RPH3A: variants seen among roughly 807,000 people sequenced by gnomAD.
RPH3A encodes rabphilin 3A.
Under a neutral mutation model 102.2 loss-of-function variants are expected in RPH3A, and 48 were observed. The observed-to-expected ratio is 0.47, with a 90% confidence interval of 0.37 to 0.60. RPH3A has a LOEUF of 0.60. Among genes scored for constraint, RPH3A ranks in the 20% least tolerant of loss-of-function variants. RPH3A has a pLI of 0.00. For missense variants in RPH3A, 781 were observed against 910.1 expected, an observed-to-expected ratio of 0.86 and a Z score of 1.83; for synonymous variants, 310 against 324.3, an observed-to-expected ratio of 0.96 and a Z score of 0.47.
At chr12:112,777,195 A>G (rs1385168947) in intron 1 of RPH3A, among the ~76,000 whole-genome samples, 1 of 152,252 alleles carries the variant, frequency 6.6e-6, no homozygotes, top group African/African-American at 2.4e-5. Context: ...TGGATCATGC[A>G]TATAAAGCAG....
At chr12:112,655,563 CTTTTTTTTTTTTT>C (rs71086113) in intron 1 of RPH3A, among the ~76,000 whole-genome samples, 7 of 55,570 alleles carry the variant, frequency 1.3e-4, no homozygotes, top group Admixed American at 7.5e-4. Context: ...TTTTGTTGGT[CTTTTTTTTTTTTT>C]TTTTTTTTTT....
At chr12:112,861,602 C>T (rs571842520) in intron 5 of RPH3A, among the ~76,000 whole-genome samples, 2 of 152,340 alleles carry the variant, frequency 1.3e-5, no homozygotes, top group South Asian at 2.1e-4. Flanking sequence ...CAGCTTTCAC[C>T]ACTTCTTAGC....
At chr12:112,834,286 A>G (rs190241616) in intron 3 of RPH3A, among the ~76,000 whole-genome samples, 11 of 152,342 alleles carry the variant, frequency 7.2e-5, no homozygotes, top group Non-Finnish European at 1.5e-4. Context: ...TTGAGATCCA[A>G]TCATATTGTT....
intron 1 of RPH3A, among the ~76,000 whole-genome samples, chr12:112,607,325 C>T (rs1164018429): frequency 2.6e-5 from 4 of 152,168 alleles, no homozygotes; most frequent in Non-Finnish European, 2.9e-5. Flanking sequence ...TAGTATCCTA[C>T]TTGTAATAAT....
At chr12:112,850,624 G>A (rs972543584) in intron 5 of RPH3A, among the ~76,000 whole-genome samples, 20 of 152,302 alleles carry the variant, frequency 1.3e-4, no homozygotes, top group African/African-American at 3.9e-4. Context: ...TGGTAGCATC[G>A]CCAGAGGCAA....
intron 2 of RPH3A, among the ~76,000 whole-genome samples, chr12:112,804,674 T>G (rs2041423007): frequency 1.3e-5 from 2 of 152,168 alleles, no homozygotes; most frequent in African/African-American, 2.4e-5. Flanking sequence ...TGTGCAGACT[T>G]GATTGATTAC....
chr12:112,743,967 C>G (rs777727849), intron 1 of RPH3A, among the ~76,000 whole-genome samples: 5 of 152,228 alleles, frequency 3.3e-5, no homozygotes, highest in African/African-American at 7.2e-5. Context: ...GTAACCCCCA[C>G]AGTGTAGCAC....
chr12:112,603,422 A>C (rs2135969945), intron 1 of RPH3A, among the ~76,000 whole-genome samples: 1 of 152,260 alleles, frequency 6.6e-6, no homozygotes, highest in South Asian at 2.1e-4. Context: ...TTAAGAAAGG[A>C]AAGCAGTTGA....
At chr12:112,750,918 G>A (rs2040781791) in intron 1 of RPH3A, among the ~76,000 whole-genome samples, 1 of 152,110 alleles carries the variant, frequency 6.6e-6, no homozygotes. Context: ...TATGGACCTG[G>A]GGAATTAAAG....
intron 1 of RPH3A, among the ~76,000 whole-genome samples, chr12:112,687,621 A>G (rs1410435291): frequency 6.6e-6 from 1 of 152,232 alleles, no homozygotes. Context: ...AAGCATGTGT[A>G]ATTAATTTTC....
intron 1 of RPH3A, among the ~76,000 whole-genome samples, chr12:112,696,134 G>C (rs914489493): frequency 2.0e-5 from 3 of 152,198 alleles, no homozygotes; most frequent in Non-Finnish European, 4.4e-5. Context: ...GTGGCCTCCA[G>C]CTCCATCCAA....
intron 6 of RPH3A, among the ~76,000 whole-genome samples, chr12:112,866,248 G>A (rs527557469): frequency 9.9e-5 from 15 of 152,254 alleles, no homozygotes; most frequent in Admixed American, 5.9e-4. Context: ...ACTCGATAGC[G>A]AGAATTTTGT....
At chr12:112,627,174 C>T (rs1354467112) in intron 1 of RPH3A, among the ~76,000 whole-genome samples, 2 of 148,902 alleles carry the variant, frequency 1.3e-5, no homozygotes, top group Non-Finnish European at 1.5e-5. Flanking sequence ...CTAACCTGCA[C>T]AATGTGCACA....
At chr12:112,648,711 C>T (rs2039952178) in intron 1 of RPH3A, among the ~76,000 whole-genome samples, 1 of 136,974 alleles carries the variant, frequency 7.3e-6, no homozygotes, top group Admixed American at 8.2e-5. Flanking sequence ...TGCCACTGTA[C>T]TCTAGCCTGG....
chr12:112,843,963 G>A (rs1278258825), intron 4 of RPH3A, among the ~76,000 whole-genome samples: 1 of 152,114 alleles, frequency 6.6e-6, no homozygotes, highest in Non-Finnish European at 1.5e-5. Flanking sequence ...CAGGCTGAGG[G>A]ATATTGGCAC....
chr12:112,802,680 C>T (rs557677493), intron 2 of RPH3A, among the ~76,000 whole-genome samples: 3 of 151,882 alleles, frequency 2.0e-5, no homozygotes, highest in African/African-American at 7.3e-5. Flanking sequence ...CAGGCTGAGA[C>T]GTTGCCCCCC....
At chr12:112,790,627 A>G (rs2041089012), upstream of RPH3A, among the ~76,000 whole-genome samples, 1 of 152,206 alleles carries the variant, frequency 6.6e-6, no homozygotes, top group African/African-American at 2.4e-5. Flanking sequence ...CTCTTGAGAT[A>G]TGGAGCACTG....
At position 112,898,275 on chromosome 12, in the gene RPH3A, G is replaced by A. The variant is rs2043218845; in HGVS notation, c.*1495G>A. The stretch of plus-strand genomic sequence containing the variant: ...GGGCAAACATTACAAATTTGAGGTT[G>A]AAGTCAGGCAATCTTCAATGCCCTG... On this transcript the variant is annotated 3_prime_UTR_variant, in exon 22 of 22. Transcript: ENST00000389385. 1 of 152,236 alleles carries A rather than the reference G, an allele frequency of 6.6e-6. No homozygotes were observed. The highest frequency in any genetic ancestry group is 1.5e-5 in the Non-Finnish European group (1 of 68,040). 9.4% of individuals were successfully genotyped at this position (152,236 alleles called of 1,614,324 possible).
chr12:112,727,500 C>A lies in RPH3A; in HGVS notation c.-139-64643C>A, dbSNP rs1009065739. On this transcript the variant is annotated intron_variant, in intron 1 of 21. Transcript: ENST00000543106. ...ACACACACACACACACAGACCCCCCCCCCCCACACACATATATATATATAG... is the reference window on the plus strand; with the variant it reads ...ACACACACACACACACAGACCCCCCACCCCCACACACATATATATATATAG... 1.2e-3 allele frequency among the ~76,000 whole-genome samples: 122 copies of A among 98,490 alleles called. 6 individuals carry two copies. The highest frequency in any genetic ancestry group is 5.0e-3 in the African/African-American group (115 of 23,024). The allele number at this position is 98,490 out of a possible 152,430, so 64.6% of individuals were successfully genotyped here.
Sources: allele counts gnomAD v4.1 joint callset (sites outside exome capture counted in the v4.1 genomes callset), GRCh38; gene constraint gnomAD v4.1.1; transcripts MANE v1.5; gene names NCBI Gene and HGNC (gene_info 2026-07-23, HGNC 2026-07-21).